The following ATAD2B variants were observed in gnomAD, a reference collection of about 807,000 sequenced individuals.
ATAD2B encodes ATPase family AAA domain-containing protein 2B.
ATAD2B carries 40 observed loss-of-function variants against 167.6 expected under a neutral mutation model. That is an observed-to-expected ratio of 0.24 (90% CI 0.19 to 0.31). The LOEUF (loss-of-function observed/expected upper bound fraction) is 0.31. Ranked by LOEUF, ATAD2B falls within the 10% of genes least tolerant of loss-of-function variation. ATAD2B has a pLI of 1.00. For synonymous variants in ATAD2B, 579 were observed against 596.5 expected, an observed-to-expected ratio of 0.97 and a Z score of 0.43; for missense variants, 1,242 against 1,757.2, an observed-to-expected ratio of 0.71 and a Z score of 5.24.
the ATAD2B span, among the ~76,000 whole-genome samples, chr2:23,737,312 G>A: frequency 6.6e-6 from 1 of 152,202 alleles, no homozygotes; most frequent in African/African-American, 2.4e-5. Flanking sequence ...GGAGCGGACT[G>A]ACACCTCACA....
the ATAD2B span, among the ~76,000 whole-genome samples, chr2:23,692,126 C>A: frequency 6.6e-6 from 1 of 152,204 alleles, no homozygotes; most frequent in Non-Finnish European, 1.5e-5. Flanking sequence ...ATACTGTGCC[C>A]CGCCAGGCCT....
At chr2:23,802,458 A>G (rs150305373) in intron 18 of ATAD2B, among the ~76,000 whole-genome samples, 26 of 152,236 alleles carry the variant, frequency 1.7e-4, no homozygotes, top group African/African-American at 5.8e-4. Flanking sequence ...ACATAAAATC[A>G]GCCTGTTATA....
the ATAD2B span, among the ~76,000 whole-genome samples, chr2:23,694,619 T>G: frequency 6.6e-6 from 1 of 152,138 alleles, no homozygotes; most frequent in African/African-American, 2.4e-5. Context: ...CTTCTCCCTG[T>G]CTCCCTAAAC....
intron 9 of ATAD2B, among the ~76,000 whole-genome samples, chr2:23,868,299 A>G (rs1695441550): frequency 6.6e-6 from 1 of 152,214 alleles, no homozygotes; most frequent in Admixed American, 6.5e-5. Context: ...AAATAAAATT[A>G]AGCTACTGAT....
intron 13 of ATAD2B, among the ~76,000 whole-genome samples, chr2:23,842,741 CT>C (rs1558643516): frequency 1.3e-5 from 2 of 152,140 alleles, no homozygotes; most frequent in African/African-American, 4.8e-5. Flanking sequence ...CTACCCAGAT[CT>C]CTAGCTGGTC....
intron 19 of ATAD2B, among the ~76,000 whole-genome samples, chr2:23,795,963 G>A (rs111460347): frequency 0.12 from 18,177 of 151,968 alleles, 1,165 homozygotes; most frequent in Middle Eastern, 0.21. Flanking sequence ...GCTGGACATG[G>A]TGGCTCACAC....
In ATAD2B at chr2:23,833,931, C is replaced by T. The variant is rs757193665; in HGVS notation, c.1716G>A (p.Leu572=). Residue 572 remains leucine (L), a synonymous_variant, in exon 14 of 28, where the codon CTG becomes CTA. Transcript: ENST00000238789. ...GRFDREFLFN[L]PDQKARKHIL... ...CAAAAACTCTTACCTTTTGATCAGGCAGGTTGAAGAGGAATTCTCTGTCAA... is the reference window on the plus strand; with the variant it reads ...CAAAAACTCTTACCTTTTGATCAGGTAGGTTGAAGAGGAATTCTCTGTCAA... 2.5e-6 allele frequency: 4 copies of T among 1,602,220 alleles called. No homozygotes were observed. The highest frequency in any genetic ancestry group is 2.7e-5 in the African/African-American group (2 of 74,120).
chr2:23,874,932 T>C (rs934316511), intron 8 of ATAD2B, among the ~76,000 whole-genome samples: 2 of 151,630 alleles, frequency 1.3e-5, no homozygotes, highest in Admixed American at 1.3e-4. Flanking sequence ...GGCGAATGCC[T>C]GTACTCCCAG....
chr2:23,819,917 T>G, intron 16 of ATAD2B, 35 bp from the exon 17 acceptor site: 3 of 1,463,146 alleles, frequency 2.1e-6, no homozygotes, highest in Non-Finnish European at 2.8e-6. Context: ...ATGGGGCTTA[T>G]AAAGTCATTT....
At chr2:23,744,107 G>A (rs375074229), downstream of ATAD2B, among the ~76,000 whole-genome samples, 45 of 152,268 alleles carry the variant, frequency 3.0e-4, no homozygotes, top group African/African-American at 1.0e-3. Context: ...CTGGGAGGAC[G>A]AGAGGACAAG....
At chr2:23,869,589 CA>C in intron 9 of ATAD2B, 73 bp downstream of exon 9, 1 of 1,009,524 alleles carries the variant, frequency 9.9e-7, no homozygotes, top group Non-Finnish European at 1.5e-6. Context: ...TCAATGTTAG[CA>C]AAGAAAATCA....
intron 13 of ATAD2B, among the ~76,000 whole-genome samples, chr2:23,855,776 C>G (rs998740310): frequency 1.3e-5 from 2 of 152,210 alleles, no homozygotes; most frequent in African/African-American, 4.8e-5. Context: ...GTAGTTCTAG[C>G]TACTCAGGAG....
intron 13 of ATAD2B, among the ~76,000 whole-genome samples, chr2:23,842,417 A>G (rs1308012930): frequency 1.3e-5 from 2 of 152,218 alleles, no homozygotes; most frequent in Non-Finnish European, 2.9e-5. Flanking sequence ...ATACATGAAT[A>G]TATACCTGAC....
At chr2:23,802,981 A>G (rs1339877666) in intron 18 of ATAD2B, among the ~76,000 whole-genome samples, 1 of 152,146 alleles carries the variant, frequency 6.6e-6, no homozygotes, top group African/African-American at 2.4e-5. Flanking sequence ...CCATATATAA[A>G]TGTATTAATT....
chr2:23,835,484 T>C (rs966437842), intron 13 of ATAD2B, among the ~76,000 whole-genome samples: 3 of 152,164 alleles, frequency 2.0e-5, no homozygotes, highest in Non-Finnish European at 2.9e-5. Flanking sequence ...GAAAGTATAT[T>C]AGAAGTTGCC....
rs1676138308 is a variant in ATAD2B at position 23,757,885 on chromosome 2, G to A, written c.3611C>T (p.Thr1204Ile). The A allele has an allele frequency of 1.9e-6, 3 of 1,600,068 alleles. No individual in the cohort carries two copies. Among genetic ancestry groups the A allele is most frequent in the Non-Finnish European group, 2.6e-6 (3 of 1,176,106 alleles). ...GATGTCACAGGATGATTCATCATTG[G>A]TCATAGATAAGTCTCCAGTCTCTTC... Reference protein sequence around the residue: ...NGEETGDLSMTNDESSCDIMD... With the variant: ...NGEETGDLSMINDESSCDIMD... The change falls in exon 25 of 28, where the codon ACC becomes ATC. Residue 1204 changes from threonine (T) to isoleucine (I), a missense_variant. Transcript: ENST00000238789.
chr2:23,770,325 T>TAAAC (rs3028946), intron 22 of ATAD2B, among the ~76,000 whole-genome samples: 149,990 of 151,778 alleles, frequency 0.99, 74,121 homozygotes, highest in Non-Finnish European at 1. Flanking sequence ...AAAAAATAAA[T>TAAAC]AAACAAATAA....
intron 19 of ATAD2B, among the ~76,000 whole-genome samples, chr2:23,797,515 G>C (rs565333206): frequency 7.2e-5 from 11 of 152,164 alleles, no homozygotes; most frequent in African/African-American, 2.6e-4. Context: ...AGGATGAAAA[G>C]GATATAACTG....
chr2:23,679,870 C>A, the ATAD2B span, among the ~76,000 whole-genome samples: 3 of 151,994 alleles, frequency 2.0e-5, no homozygotes, highest in Non-Finnish European at 4.4e-5. Flanking sequence ...TACTGCTTGG[C>A]CAGATGGAGG....
Sources: allele counts gnomAD v4.1 joint callset (sites outside exome capture counted in the v4.1 genomes callset), GRCh38; gene constraint gnomAD v4.1.1; transcripts MANE v1.5; gene names NCBI Gene and HGNC (gene_info 2026-07-23, HGNC 2026-07-21).